The following CCDC7 variants were observed in gnomAD, a reference collection of about 807,000 sequenced individuals.
CCDC7 encodes the protein coiled-coil domain-containing protein 7.
A neutral mutation model predicts 196.9 loss-of-function variants in CCDC7; 183 were observed. That is an observed-to-expected ratio of 0.93 (90% CI 0.82 to 1.05). The LOEUF (loss-of-function observed/expected upper bound fraction) is 1.05. CCDC7 is among the 50% of genes least tolerant of loss of function. CCDC7 has a pLI of 0.00. For synonymous variants in CCDC7, 525 were observed against 484.6 expected (o/e 1.08, Z -1.10); for missense variants, 1,540 against 1,482.2 (o/e 1.04, Z -0.64).
exon 38 of CCDC7, chr10:32,847,849 C>G (rs1031235070): frequency 1.9e-6 from 3 of 1,610,044 alleles, no homozygotes; most frequent in Non-Finnish European, 2.5e-6. Flanking sequence ...ATGTAGAACC[C>G]TTGACAAATG....
chr10:32,729,112 A>T, intron 27 of CCDC7, 115 bp downstream of exon 28: 1 of 879,954 alleles, frequency 1.1e-6, no homozygotes, highest in East Asian at 2.7e-5. Flanking sequence ...TTTAACTTTG[A>T]CCTAAAGTGT....
At chr10:32,774,371 G>T (rs932561210) in intron 28 of CCDC7, among the ~76,000 whole-genome samples, 1 of 152,026 alleles carries the variant, frequency 6.6e-6, no homozygotes, top group Non-Finnish European at 1.5e-5. Flanking sequence ...CAGGACTGGA[G>T]TGAGCTTCCT....
chr10:32,466,303 T>C (rs1351240749), intron 5 of CCDC7, among the ~76,000 whole-genome samples: 2 of 150,736 alleles, frequency 1.3e-5, no homozygotes, highest in Admixed American at 6.7e-5. Context: ...CAGGGGTACA[T>C]GTATAGGTTT....
At chr10:32,711,001 G>A (rs1032706284) in intron 24 of CCDC7, among the ~76,000 whole-genome samples, 1 of 151,858 alleles carries the variant, frequency 6.6e-6, no homozygotes, top group Non-Finnish European at 1.5e-5. Context: ...TAGATGGGAG[G>A]GTAACTTCTC....
At chr10:32,769,478 T>C (rs934150400) in intron 28 of CCDC7, among the ~76,000 whole-genome samples, 2 of 150,952 alleles carry the variant, frequency 1.3e-5, no homozygotes, top group Non-Finnish European at 2.9e-5. Flanking sequence ...GTATTATTAT[T>C]ATTATTTCTT....
chr10:32,638,262 A>T (rs948325188), intron 20 of CCDC7, among the ~76,000 whole-genome samples: 17 of 152,170 alleles, frequency 1.1e-4, no homozygotes, highest in Non-Finnish European at 1.8e-4. Flanking sequence ...AACTTCCAAA[A>T]CTAAGTTGAA....
At chr10:32,668,768 T>C (rs990033019) in intron 21 of CCDC7, among the ~76,000 whole-genome samples, 5 of 152,160 alleles carry the variant, frequency 3.3e-5, no homozygotes, top group African/African-American at 1.2e-4. Flanking sequence ...CTGGAATCGG[T>C]TTGACAGTAT....
intron 11 of CCDC7, among the ~76,000 whole-genome samples, chr10:32,528,670 A>ACT (rs2049062685): frequency 1.4e-5 from 2 of 147,564 alleles, no homozygotes; most frequent in East Asian, 4.0e-4. Context: ...ATACACACAC[A>ACT]TATATATATG....
chr10:32,573,747 A>C (rs1008688732), intron 16 of CCDC7, among the ~76,000 whole-genome samples: 2 of 152,174 alleles, frequency 1.3e-5, no homozygotes, highest in Non-Finnish European at 2.9e-5. Flanking sequence ...AGAAATGTTG[A>C]TTGATGTAAT....
intron 33 of CCDC7, among the ~76,000 whole-genome samples, chr10:32,843,143 A>G (rs1294938666): frequency 6.6e-6 from 1 of 151,844 alleles, no homozygotes; most frequent in Admixed American, 6.6e-5. Context: ...CTGGACGGTA[A>G]CTCAAATCCA....
At chr10:32,528,006 A>G (rs2048933694) in intron 11 of CCDC7, among the ~76,000 whole-genome samples, 1 of 152,172 alleles carries the variant, frequency 6.6e-6, no homozygotes, top group African/African-American at 2.4e-5. Flanking sequence ...CCCATTAAAT[A>G]ATCTCTCATC....
At chr10:32,587,228 C>T (rs748039195) in intron 18 of CCDC7, among the ~76,000 whole-genome samples, 3 of 152,124 alleles carry the variant, frequency 2.0e-5, no homozygotes, top group Non-Finnish European at 2.9e-5. Context: ...GCATTTTCCT[C>T]CATTTGGGGT....
intron 21 of CCDC7, among the ~76,000 whole-genome samples, chr10:32,681,007 G>GTAGTCA (rs1260774812): frequency 6.6e-6 from 1 of 152,124 alleles, no homozygotes; most frequent in African/African-American, 2.4e-5. Flanking sequence ...AGCACCCCTT[G>GTAGTCA]GTTACTACAT....
intron 29 of CCDC7, among the ~76,000 whole-genome samples, chr10:32,793,374 GA>G (rs1356149475): frequency 5.9e-5 from 9 of 152,114 alleles, no homozygotes; most frequent in Non-Finnish European, 7.4e-5. Flanking sequence ...GGAAAGAAGT[GA>G]AAAATATAAA....
intron 18 of CCDC7, among the ~76,000 whole-genome samples, chr10:32,596,509 C>T (rs1189663616): frequency 6.6e-6 from 1 of 152,094 alleles, no homozygotes; most frequent in African/African-American, 2.4e-5. Context: ...TGTCTTTTAA[C>T]TGGAGCATTT....
chr10:32,517,631 G>A (rs564950041), intron 9 of CCDC7, among the ~76,000 whole-genome samples: 1 of 104,292 alleles, frequency 9.6e-6, no homozygotes, highest in African/African-American at 3.5e-5. Context: ...GGTGGGGGGA[G>A]GGGGGAGGGA....
intron 9 of CCDC7, among the ~76,000 whole-genome samples, chr10:32,497,019 C>T (rs1225487718): frequency 1.3e-5 from 2 of 152,094 alleles, no homozygotes; most frequent in East Asian, 3.9e-4. Context: ...TCCGTCTGGT[C>T]CTGGACTTTT....
At chr10:32,813,023 C>T (rs1368364226) in intron 30 of CCDC7, among the ~76,000 whole-genome samples, 2 of 152,058 alleles carry the variant, frequency 1.3e-5, no homozygotes, top group African/African-American at 4.8e-5. Flanking sequence ...GCAGTTGTGG[C>T]ATATTTGAGC....
At chr10:32,709,716 G>C (rs1191698210) in intron 24 of CCDC7, among the ~76,000 whole-genome samples, 1 of 152,122 alleles carries the variant, frequency 6.6e-6, no homozygotes, top group Non-Finnish European at 1.5e-5. Flanking sequence ...GACCAGTACT[G>C]GTCATGGCCT....
Sources: gnomAD v4.1 joint callset for allele counts (sites outside exome capture counted in the v4.1 genomes callset) on GRCh38, gnomAD v4.1.1 for gene constraint, MANE v1.5 for transcripts, NCBI Gene and HGNC (gene_info 2026-07-23, HGNC 2026-07-21) for gene names.